The following OBSL1 variants were observed in gnomAD, a reference collection of about 807,000 sequenced individuals.
The protein encoded by OBSL1 is obscurin-like protein 1.
OBSL1 carries 160 observed loss-of-function variants against 172.0 expected under a neutral mutation model. The ratio of observed to expected loss-of-function variants is 0.93; its 90% confidence interval spans 0.82 to 1.06. The LOEUF is 1.06. Ranked by LOEUF, OBSL1 falls within the 50% of genes least tolerant of loss-of-function variation. The pLI is 0.00. For synonymous variants in OBSL1, 1,200 were observed against 1,196.3 expected (o/e 1.00, Z -0.06); for missense variants, 2,681 against 2,715.4 (o/e 0.99, Z 0.28).
At chr2:219,559,676 G>A in intron 8 of OBSL1, 179 bp from the exon 9 acceptor site, 1 of 595,118 alleles carries the variant, frequency 1.7e-6, no homozygotes, top group South Asian at 2.6e-5. Context: ...GGGTGTTACA[G>A]AATCCAGAAT....
In OBSL1 at chr2:219,557,907, C is replaced by G. The variant is rs1394936579; in HGVS notation, c.3706G>C (p.Gly1236Arg). ...PRRVLCIQAA[G>R]PAHAGLYTCQ... Reference sequence around the variant, plus strand: ...GTGTAGAGCCCTGCATGGGCTGGGCCTGCAGCCTGGATGCAGAGGACTCGG... The same window carrying G: ...GTGTAGAGCCCTGCATGGGCTGGGCGTGCAGCCTGGATGCAGAGGACTCGG... The change falls in exon 11 of 21, where the codon GGC becomes CGC. Residue 1236 changes from glycine (G) to arginine (R), a missense_variant. Gly to Arg is a moderately radical substitution (Grantham distance 125). Around this residue, in one of 5 missense-constraint regions of OBSL1, gnomAD observed 1,765 missense variants for 1,748.3 expected, o/e 1.01. Transcript: ENST00000404537. 1 of 1,603,758 alleles carries G rather than the reference C, an allele frequency of 6.2e-7. No individual in the cohort carries two copies. The highest frequency in any genetic ancestry group is 8.5e-7 in the Non-Finnish European group (1 of 1,179,698).
chr2:219,549,914 A>C, downstream of OBSL1: 1 of 1,582,076 alleles, frequency 6.3e-7, no homozygotes, highest in Non-Finnish European at 8.6e-7. Context: ...GAGGCCTGCT[A>C]GGCTGCCACT....
chr2:219,564,419 G>A (rs1158805975), intron 6 of OBSL1, among the ~76,000 whole-genome samples: 1 of 152,236 alleles, frequency 6.6e-6, no homozygotes, highest in East Asian at 1.9e-4. Context: ...ACCTCTTACA[G>A]CCTCCATTTC....
In OBSL1 at chr2:219,567,080, G is replaced by A. The variant is rs115194510; in HGVS notation, c.1884C>T (p.Tyr628=). The A allele has an allele frequency of 0.023, 36,710 of 1,613,156 alleles. 603 individuals carry two copies. The highest frequency in any genetic ancestry group is 0.054 in the South Asian group (4,891 of 90,988). ...LVAGLEDVQV[Y]DGEDAVFSLD... ...GGGAGAAGACGGCATCTTCCCCGTC[G>A]TATACCTGCACATCCTCCAGACCTG... The change falls in exon 5 of 21, where the codon TAC becomes TAT. Residue 628 remains tyrosine (Y), a synonymous_variant. Transcript: ENST00000404537.
intron 8 of OBSL1, among the ~76,000 whole-genome samples, chr2:219,561,177 C>A (rs376226479): frequency 6.6e-6 from 1 of 152,110 alleles, no homozygotes; most frequent in African/African-American, 2.4e-5. Context: ...CTAAACAGCT[C>A]TGCATGGGGC....
In OBSL1 at chr2:219,568,169, C is replaced by T. The variant is rs760835705; in HGVS notation, c.1168G>A (p.Glu390Lys). 9.9e-6 allele frequency: 16 copies of T among 1,613,656 alleles called. No individual in the cohort carries two copies. Among genetic ancestry groups the T allele is most frequent in the South Asian group, 7.7e-5 (7 of 91,086 alleles). Residue 390 changes from glutamate to lysine, a missense_variant, in exon 2 of 21, where the codon GAA (glutamate) becomes AAA (lysine). By Grantham distance (56) the Glu-to-Lys change is moderately conservative. Transcript: ENST00000404537. This position sits in a 1 kb window ranked among gnomAD's most constrained non-coding sequence, Gnocchi z 4.1. Reference protein sequence around the residue: ...LLPCRKYEQIEEGTVRRLIIH... With the variant: ...LLPCRKYEQIKEGTVRRLIIH... ...ATGAGGCGCCGGACAGTGCCCTCTT[C>T]GATCTGCTCGTACTTGCGGCAGGGC...
intron 8 of OBSL1, among the ~76,000 whole-genome samples, 195 bp downstream of exon 8, chr2:219,562,207 G>A (rs1696529221): frequency 6.6e-6 from 1 of 152,184 alleles, no homozygotes; most frequent in African/African-American, 2.4e-5. Context: ...GCAGAGCTAG[G>A]CCTGGCCTTG....
At chr2:219,560,284 C>T (rs1175763302) in intron 8 of OBSL1, among the ~76,000 whole-genome samples, 1 of 152,156 alleles carries the variant, frequency 6.6e-6, no homozygotes, top group Admixed American at 6.5e-5. Flanking sequence ...AGGCTCAGAC[C>T]CCACAGGTAG....
Position 219,559,316 on chromosome 2 carries a change from G to A in OBSL1, c.3135C>T (p.Arg1045=). 1 of 1,613,974 alleles carries A rather than the reference G, an allele frequency of 6.2e-7. No homozygotes were observed. Among genetic ancestry groups the A allele is most frequent in the Non-Finnish European group, 8.5e-7 (1 of 1,179,882 alleles). ...CGGGCTGAGCAGCAGGTAGCACCAG[G>A]CGGCAGCGTGGCCCATCCCTCTCCA... is the stretch of plus-strand genomic sequence containing the variant. ...LVLERDGPRC[R]LVLPAAQPED... Residue 1045 remains arginine, a synonymous_variant, in exon 9 of 21, where the codon CGC becomes CGT. Coordinates refer to ENST00000404537, the MANE Select transcript of OBSL1 (RefSeq NM_015311.3).
In OBSL1 at chr2:219,556,046, C is replaced by T. The variant is rs759240898; in HGVS notation, c.4583G>A (p.Arg1528His). 8.7e-6 allele frequency: 14 copies of T among 1,613,486 alleles called. No homozygotes were observed. The highest frequency in any genetic ancestry group is 2.2e-5 in the East Asian group (1 of 44,870). The change falls in exon 14 of 21, where the codon CGC becomes CAC. Residue 1528 changes from arginine to histidine, a missense_variant. This residue lies in a region of OBSL1 where 1,765 missense variants were observed against 1,748.3 expected (regional missense o/e 1.01). Coordinates refer to ENST00000404537, the MANE Select transcript of OBSL1 (RefSeq NM_015311.3). ...CCTCACGCTGAGCCTGGCCAGGGTG[C>T]GATCGTGGTGGCTCTCGCAGCCGTA... ...GTYGCESHHD[R>H]TLARLSVRPR... is the part of the protein sequence containing the mutation.
intron 17 of OBSL1, 52 bp downstream of exon 17, chr2:219,552,816 G>T (rs574191605): frequency 3.9e-6 from 6 of 1,534,070 alleles, no homozygotes; most frequent in Non-Finnish European, 5.3e-6. Flanking sequence ...AGACAGCTCC[G>T]CAAGTCTCGC....
rs1293669655 is a variant in OBSL1 at position 219,565,833 on chromosome 2, GC to G, written c.2135-320del. 2.6e-5 allele frequency among the ~76,000 whole-genome samples: 4 copies of G among 152,116 alleles called. No individual in the cohort carries two copies. In the East Asian group the frequency reaches 7.7e-4, roughly 29 times the overall value. ...CTGGTTGCTGGTCAGGTCTCACCTG[GC>G]CCCTCTGCCTGCGATGCTGACAGTG... On this transcript the variant is annotated intron_variant, in intron 5 of 20. Coordinates refer to ENST00000404537, the MANE Select transcript of OBSL1 (RefSeq NM_015311.3).
rs1286773642 is a variant in OBSL1, at chr2:219,552,231, G to A, written c.5309-15C>T. The A allele has an allele frequency of 1.9e-6, 3 of 1,580,774 alleles. No homozygotes were observed. Among genetic ancestry groups the A allele is most frequent in the African/African-American group, 1.3e-5 (1 of 74,346 alleles). ...GTGTTTCTTCCCTGGGGGTGAGGGG[G>A]TCGCTAGCGAGGCCGGAGCCACCTC... is the stretch of plus-strand genomic sequence containing the variant. On this transcript the variant is annotated splice_polypyrimidine_tract_variant and intron_variant, in intron 18 of 20. Transcript: ENST00000404537.
chr2:219,570,665 C>T lies in OBSL1; in HGVS notation c.568G>A (p.Ala190Thr). The T allele has an allele frequency of 6.6e-7, 1 of 1,508,070 alleles. No homozygotes were observed. Among genetic ancestry groups the T allele is most frequent in the Admixed American group, 2.1e-5 (1 of 47,718 alleles). The allele number at this position is 1,508,070 out of a possible 1,614,324, so 93.4% of individuals were successfully genotyped here. Residue 190 changes from alanine (A) to threonine (T), a missense_variant, in exon 1 of 21, where the codon GCG becomes ACG. Ala to Thr is a moderately conservative substitution (Grantham distance 58, BLOSUM62 0). Coordinates refer to ENST00000404537, the MANE Select transcript of OBSL1 (RefSeq NM_015311.3). ...GCCAGGATGCGCAGTGCCAGGCTCG[C>T]GCCGGGGCCGTCCTCGGCGCGGCCC... ...QPGRAEDGPG[A>T]SLALRILAAR...
chr2:219,552,925 T>C lies in OBSL1; in HGVS notation c.5089A>G (p.Thr1697Ala). Reference protein sequence around the residue: ...LRRCGPSDAGTYSCAVGTARA... With the variant: ...LRRCGPSDAGAYSCAVGTARA... ...GCCGTCCCCACCGCGCAGCTGTAGGTCCCGGCGTCCGAGGGGCCGCAGCGT... is the reference window on the plus strand; with the variant it reads ...GCCGTCCCCACCGCGCAGCTGTAGGCCCCGGCGTCCGAGGGGCCGCAGCGT... Residue 1697 changes from threonine (T) to alanine (A), a missense_variant, in exon 17 of 21, where the codon ACC becomes GCC. Transcript: ENST00000404537. The C allele has an allele frequency of 6.5e-7, 1 of 1,537,558 alleles. No individual in the cohort carries two copies.
chr2:219,567,351 C>T lies in OBSL1; in HGVS notation c.1759G>A (p.Asp587Asn), dbSNP rs780967943. Residue 587 changes from aspartate to asparagine, a missense_variant, in exon 4 of 21, where the codon GAC becomes AAC. By Grantham distance (23) the Asp-to-Asn change is conservative. This residue lies in a region of OBSL1 where 706 missense variants were observed against 695.8 expected (regional missense o/e 1.01). Transcript: ENST00000404537. ...ACTGTGCAGATGCGGAAGCGGTAGT[C>T]ACCCTCGGAGGGCACACAGTCGCCC... ...VPGDCVPSEG[D>N]YRFRICTVSG... is the part of the protein sequence containing the mutation. 1.6e-5 allele frequency: 25 copies of T among 1,611,552 alleles called. No homozygotes were observed. The highest frequency in any genetic ancestry group is 2.7e-5 in the African/African-American group (2 of 74,904).
chr2:219,553,231 C>A (rs1695763848), intron 16 of OBSL1, among the ~76,000 whole-genome samples: 1 of 152,162 alleles, frequency 6.6e-6, no homozygotes, highest in African/African-American at 2.4e-5. Context: ...CCTTTGGGGA[C>A]CTTAGGGCCG....
intron 9 of OBSL1, chr2:219,558,998 G>A (rs1341791403): frequency 5.4e-6 from 3 of 552,152 alleles, no homozygotes; most frequent in Non-Finnish European, 9.6e-6. Flanking sequence ...TGCTCAATGA[G>A]TATTGAACGA....
In OBSL1 at chr2:219,550,870, TG is replaced by T; in HGVS notation, c.5684-29del. 1.9e-6 allele frequency: 3 copies of T among 1,577,360 alleles called. No individual in the cohort carries two copies. The East Asian group carries it at 6.9e-5, about 36-fold the overall frequency. On this transcript the variant is annotated intron_variant, in intron 20 of 20. Coordinates refer to ENST00000404537, the MANE Select transcript of OBSL1 (RefSeq NM_015311.3). The stretch of plus-strand genomic sequence containing the variant: ...GCAGAGGAATGACTCCACATGGGGC[TG>T]GGGAGAGAAGGGGGTACCACCTTCC...
Sources: allele counts gnomAD v4.1 joint callset (sites outside exome capture counted in the v4.1 genomes callset), GRCh38; gene constraint gnomAD v4.1.1; regional missense constraint gnomAD v4.1.1; non-coding constraint Gnocchi (gnomAD v3.1); transcripts MANE v1.5; gene names NCBI Gene and HGNC (gene_info 2026-07-23, HGNC 2026-07-21).